The following CDH8 variants were observed in gnomAD, a reference collection of about 807,000 sequenced individuals.
CDH8 encodes the protein cadherin-8.
Under a neutral mutation model 68.1 loss-of-function variants are expected in CDH8, and 17 were observed. The ratio of observed to expected loss-of-function variants is 0.25; its 90% confidence interval spans 0.17 to 0.37. The LOEUF is 0.37. Among genes scored for constraint, CDH8 ranks in the 10% least tolerant of loss-of-function variants. The pLI, the probability that CDH8 is intolerant of heterozygous loss-of-function variation, is 1.00. For synonymous variants in CDH8, 372 were observed against 365.1 expected (o/e 1.02, Z -0.21); for missense variants, 763 against 999.3 (o/e 0.76, Z 3.19).
At chr16:61,997,600 A>G (rs72785597) in intron 2 of CDH8, among the ~76,000 whole-genome samples, 2,015 of 152,292 alleles carry the variant, frequency 0.013, 17 homozygotes, top group Non-Finnish European at 0.021. Flanking sequence ...CCCACAAATT[A>G]CTTATTAATA....
intron 4 of CDH8, among the ~76,000 whole-genome samples, chr16:61,854,495 T>C (rs1199514892): frequency 6.6e-6 from 1 of 152,118 alleles, no homozygotes; most frequent in African/African-American, 2.4e-5. Flanking sequence ...CTGCATTTGA[T>C]AAGAGGAACT....
intron 8 of CDH8, among the ~76,000 whole-genome samples, chr16:61,729,403 T>C (rs1029829195): frequency 1.3e-5 from 2 of 151,170 alleles, no homozygotes; most frequent in African/African-American, 4.8e-5. Context: ...ATTTGAAGTT[T>C]TGGCCCAAAT....
intron 1 of CDH8, among the ~76,000 whole-genome samples, chr16:62,029,480 G>A (rs1379114896): frequency 6.6e-6 from 1 of 152,126 alleles, no homozygotes; most frequent in African/African-American, 2.4e-5. Context: ...TTAAAGCAAT[G>A]ACTTCGAGTA....
rs1963265341 is a variant in CDH8 at position 61,649,023 on chromosome 16, C to T, written c.*4585G>A. ...TTACAAGGGCAAATAATACATTCAACACTGTTTGGCTGAGTAACAGTGCAA... is the reference window on the plus strand; with the variant it reads ...TTACAAGGGCAAATAATACATTCAATACTGTTTGGCTGAGTAACAGTGCAA... On this transcript the variant is annotated 3_prime_UTR_variant, in exon 12 of 12. Coordinates refer to ENST00000577390, the MANE Select transcript of CDH8 (RefSeq NM_001796.5). 6.6e-6 allele frequency: 1 copy of T among 151,956 alleles called. No homozygotes were observed. Among genetic ancestry groups the T allele is most frequent in the Admixed American group, 6.6e-5 (1 of 15,226 alleles). The allele number at this position is 151,956 out of a possible 1,614,324, so 9.4% of individuals were successfully genotyped here. A position where few individuals can be genotyped will look rare whatever the true frequency, so the allele number is the denominator to read the frequency against.
intron 8 of CDH8, among the ~76,000 whole-genome samples, chr16:61,788,888 C>G (rs1033774828): frequency 1.3e-5 from 2 of 151,714 alleles, no homozygotes; most frequent in Non-Finnish European, 1.5e-5. Context: ...TCTCTCCTAC[C>G]CAAAATAATA....
chr16:61,960,123 G>GTGTGTATACACATACATATATACATA (rs1567545881), intron 2 of CDH8, among the ~76,000 whole-genome samples: 2 of 90,584 alleles, frequency 2.2e-5, no homozygotes, highest in East Asian at 3.2e-4. Flanking sequence ...ATACATATGT[G>GTGTGTATACACATACATATATACATA]TGTGTGTATA....
intron 1 of CDH8, among the ~76,000 whole-genome samples, chr16:62,032,899 G>A (rs933472139): frequency 3.3e-5 from 5 of 152,070 alleles, no homozygotes; most frequent in Non-Finnish European, 5.9e-5. Flanking sequence ...CATTGATGAC[G>A]TTTTCTGAAC....
chr16:61,797,356 A>T (rs906544881), intron 7 of CDH8, among the ~76,000 whole-genome samples: 4 of 152,118 alleles, frequency 2.6e-5, no homozygotes, highest in Non-Finnish European at 5.9e-5. Flanking sequence ...AACACGAACA[A>T]ACTGCAATTA....
chr16:61,982,386 AT>A (rs1376317245), intron 2 of CDH8, among the ~76,000 whole-genome samples: 3 of 151,746 alleles, frequency 2.0e-5, no homozygotes, highest in African/African-American at 4.8e-5. Context: ...CGCCCGGCTA[AT>A]TTTTTGTATT....
Position 61,921,249 on chromosome 16 carries a change from T to TATAATA in CDH8, c.253-19782_253-19777dup, listed in dbSNP as rs375901034. ...TGCACATGTACCTTAAAACTTAAAG[T>TATAATA]ATAATAATAATAATAATAATAATAA... On this transcript the variant is annotated intron_variant, in intron 2 of 11. Transcript: ENST00000577390. Among the ~76,000 whole-genome samples the TATAATA allele has an allele frequency of 1.8e-3, 264 of 147,490 alleles. 1 individual carries two copies. The highest frequency in any genetic ancestry group is 3.5e-3 in the Middle Eastern group (1 of 282).
intron 8 of CDH8, among the ~76,000 whole-genome samples, chr16:61,741,874 CA>C (rs1297913069): frequency 6.6e-6 from 1 of 152,086 alleles, no homozygotes; most frequent in African/African-American, 2.4e-5. Flanking sequence ...CCAAATTATA[CA>C]CACACGTGCA....
chr16:61,858,639 T>G (rs188223168), intron 3 of CDH8, among the ~76,000 whole-genome samples: 14 of 152,298 alleles, frequency 9.2e-5, no homozygotes, highest in Admixed American at 9.2e-4. Flanking sequence ...AAACTTTCAC[T>G]GGAGAGCATT....
chr16:61,783,306 C>A, intron 8 of CDH8, among the ~76,000 whole-genome samples: 1 of 121,880 alleles, frequency 8.2e-6, no homozygotes, highest in African/African-American at 3.4e-5. Context: ...GCCTCAGGAG[C>A]CGATGCGATC....
chr16:61,984,771 C>G (rs1268618562), intron 2 of CDH8, among the ~76,000 whole-genome samples: 1 of 152,022 alleles, frequency 6.6e-6, no homozygotes, highest in Non-Finnish European at 1.5e-5. Flanking sequence ...CAGAAAGAAC[C>G]TAAAGATATT....
intron 8 of CDH8, among the ~76,000 whole-genome samples, chr16:61,781,952 G>A (rs1961068494): frequency 1.3e-5 from 2 of 152,126 alleles, no homozygotes; most frequent in South Asian, 2.1e-4. Flanking sequence ...CTAAGGCAGG[G>A]GAAACAGCAA....
chr16:61,739,387 G>A (rs575164624), intron 8 of CDH8, among the ~76,000 whole-genome samples: 21 of 151,962 alleles, frequency 1.4e-4, no homozygotes, highest in Middle Eastern at 3.4e-3. Context: ...TACTAGATAC[G>A]AAAGCTAATA....
At chr16:61,997,547 G>A (rs983768696) in intron 2 of CDH8, among the ~76,000 whole-genome samples, 4 of 152,070 alleles carry the variant, frequency 2.6e-5, no homozygotes, top group African/African-American at 9.7e-5. Context: ...TAAAACTATT[G>A]GATGAAAGTC....
intron 4 of CDH8, among the ~76,000 whole-genome samples, chr16:61,854,834 G>A (rs770210931): frequency 7.9e-5 from 12 of 151,844 alleles, no homozygotes; most frequent in Non-Finnish European, 1.6e-4. Flanking sequence ...TTAAGAGAGA[G>A]GTCCTCAAAG....
chr16:61,926,152 G>GGTGTGTGTGTGT (rs61028306), intron 2 of CDH8, among the ~76,000 whole-genome samples: 162 of 142,208 alleles, frequency 1.1e-3, no homozygotes, highest in African/African-American at 4.1e-3. Context: ...ACTCAGAAGG[G>GGTGTGTGTGTGT]GTGTGTGTGT....
Sources: gnomAD v4.1 joint callset for allele counts (sites outside exome capture counted in the v4.1 genomes callset) on GRCh38, gnomAD v4.1.1 for gene constraint, MANE v1.5 for transcripts, NCBI Gene and HGNC (gene_info 2026-07-23, HGNC 2026-07-21) for gene names.